The following PHC1 variants were observed in gnomAD, a reference collection of about 807,000 sequenced individuals.
PHC1 encodes the protein polyhomeotic-like protein 1.
Under a neutral mutation model 104.3 loss-of-function variants are expected in PHC1, and 12 were observed. The observed-to-expected ratio is 0.12, with a 90% CI of 0.07 to 0.19. The LOEUF (loss-of-function observed/expected upper bound fraction) is 0.19. PHC1 is among the 10% of genes least tolerant of loss of function. The probability of loss-of-function intolerance (pLI) is 1.00; values close to 1 mark genes in which losing one functional copy is unlikely to be tolerated. For synonymous variants in PHC1, 302 were observed against 455.8 expected (o/e 0.66, Z 4.30); for missense variants, 671 against 1,200.0 (o/e 0.56, Z 6.51).
rs1057432863 is a variant in PHC1 at position 8,932,078 on chromosome 12, G to A, written c.1106-485G>A. Among the ~76,000 whole-genome samples, 5 of 152,290 alleles carry A rather than the reference G, an allele frequency of 3.3e-5. No individual in the cohort carries two copies. The South Asian group carries it at 8.3e-4, about 25-fold the overall frequency. ...AAATCCAAGTCATTTGTGGGAAGACGTTGACATCTTTAACTCTGTGGGTAT... is the reference window on the plus strand; with the variant it reads ...AAATCCAAGTCATTTGTGGGAAGACATTGACATCTTTAACTCTGTGGGTAT... On this transcript the variant is annotated intron_variant, in intron 7 of 14. Transcript: ENST00000544916.
chr12:8,916,313 G>A (rs895677252), intron 1 of PHC1, among the ~76,000 whole-genome samples: 3 of 152,106 alleles, frequency 2.0e-5, no homozygotes, highest in African/African-American at 7.2e-5. Flanking sequence ...TTGATACTTT[G>A]CTTGTTTGTT....
chr12:8,934,021 C>T lies in PHC1; in HGVS notation c.2041+9C>T. The T allele has an allele frequency of 6.2e-7, 1 of 1,613,794 alleles. No individual in the cohort carries two copies. Among genetic ancestry groups the T allele is most frequent in the South Asian group, 1.1e-5 (1 of 91,076 alleles). On this transcript the variant is annotated intron_variant, in intron 9 of 14. Transcript: ENST00000544916. ...GAAGAGCAGTCTTGGAGGTGAGTAA[C>T]TGACTTCTAATGCTGTTGGAGAGCA...
Position 8,936,978 on chromosome 12 carries a change from C to T in PHC1, c.2477+14C>T, listed in dbSNP as rs747991934. Reference sequence around the variant, plus strand: ...TTGCGCTAAGAGGTACTCTGGGCACCCTCCTCCTTGCCCTCAGCACTGGTA... The same window carrying T: ...TTGCGCTAAGAGGTACTCTGGGCACTCTCCTCCTTGCCCTCAGCACTGGTA... On this transcript the variant is annotated intron_variant, in intron 12 of 14. Transcript: ENST00000544916. 6.4e-7 allele frequency: 1 copy of T among 1,566,266 alleles called. No individual in the cohort carries two copies. Among genetic ancestry groups the T allele is most frequent in the South Asian group, 1.1e-5 (1 of 89,798 alleles).
Position 8,936,983 on chromosome 12 carries a change from T to C in PHC1, c.2477+19T>C. 1.9e-6 allele frequency: 3 copies of C among 1,548,402 alleles called. No homozygotes were observed. In the South Asian group the frequency reaches 3.4e-5, roughly 17 times the overall value. ...CTAAGAGGTACTCTGGGCACCCTCC[T>C]CCTTGCCCTCAGCACTGGTATCTCC... On this transcript the variant is annotated intron_variant, in intron 12 of 14. Coordinates refer to ENST00000544916, the MANE Select transcript of PHC1 (RefSeq NM_004426.3).
intron 13 of PHC1, 69 bp downstream of exon 13, chr12:8,937,395 C>G: frequency 2.9e-6 from 4 of 1,361,082 alleles, no homozygotes; most frequent in Non-Finnish European, 4.0e-6. Flanking sequence ...CAGGGCAATT[C>G]ATTTGCCCAG....
chr12:8,931,321 T>C (rs1945678047), intron 7 of PHC1, among the ~76,000 whole-genome samples: 1 of 152,244 alleles, frequency 6.6e-6, no homozygotes, highest in South Asian at 2.1e-4. Flanking sequence ...GCATTTACTA[T>C]AAGGGATGAA....
In PHC1 at chr12:8,940,624, A is replaced by C. The variant is rs1298565047; in HGVS notation, c.*1165A>C. The C allele has an allele frequency of 1.3e-5, 1 of 75,236 alleles. No homozygotes were observed. Among genetic ancestry groups the C allele is most frequent in the East Asian group, 3.9e-4 (1 of 2,548 alleles). 4.7% of individuals were successfully genotyped at this position (75,236 alleles called of 1,614,324 possible). A position where few individuals can be genotyped will look rare whatever the true frequency, so the allele number is the denominator to read the frequency against. On this transcript the variant is annotated 3_prime_UTR_variant, in exon 15 of 15. Coordinates refer to ENST00000544916, the MANE Select transcript of PHC1 (RefSeq NM_004426.3). ...TTGATTCCATCCCTCTTTTGTGTCC[A>C]GTGGAGCCATGTTACTCTTCAGTGG...
intron 2 of PHC1, among the ~76,000 whole-genome samples, chr12:8,918,312 T>C (rs1467568305): frequency 6.6e-6 from 1 of 152,280 alleles, no homozygotes; most frequent in African/African-American, 2.4e-5. Context: ...ACTATTTTCA[T>C]TTCATAAATC....
At chr12:8,921,870 G>A in intron 5 of PHC1, 120 bp downstream of exon 5, 5 of 952,578 alleles carry the variant, frequency 5.2e-6, no homozygotes, top group Non-Finnish European at 7.8e-6. Flanking sequence ...CTGGAGTGCA[G>A]TGGCACAATA....
chr12:8,935,301 C>G, intron 11 of PHC1, 63 bp downstream of exon 11: 1 of 863,832 alleles, frequency 1.2e-6, no homozygotes, highest in Non-Finnish European at 1.8e-6. Flanking sequence ...TTTGAGGACT[C>G]GGTGTAAAAT....
At position 8,930,691 on chromosome 12, in the gene PHC1, G is replaced by T. The variant is rs891695840; in HGVS notation, c.869G>T (p.Gly290Val). ...GPGGGGQAHG[G>V]LGQLPSSGMG... ...GGTGGAGGTGGGCAGGCACATGGTG[G>T]TTTGGGTCAGTTGCCTTCCTCAGGA... The change falls in exon 7 of 15, where the codon GGT becomes GTT. Residue 290 changes from glycine (G) to valine (V), a missense_variant. Gly to Val is a moderately radical substitution (Grantham distance 109). This residue lies in a region of PHC1 where 78 missense variants were observed against 140.8 expected (regional missense o/e 0.55). Coordinates refer to ENST00000544916, the MANE Select transcript of PHC1 (RefSeq NM_004426.3). 8 of 1,323,278 alleles carry T rather than the reference G, an allele frequency of 6.0e-6. No homozygotes were observed. In the Admixed American group the frequency reaches 1.5e-4, roughly 26 times the overall value. 82.0% of individuals were successfully genotyped at this position (1,323,278 alleles called of 1,614,324 possible). A position where few individuals can be genotyped will look rare whatever the true frequency, so the allele number is the denominator to read the frequency against.
chr12:8,918,605 C>T (rs1592186667), intron 2 of PHC1, among the ~76,000 whole-genome samples: 3 of 152,064 alleles, frequency 2.0e-5, no homozygotes, highest in African/African-American at 7.2e-5. Context: ...CTAGCTGGGA[C>T]TATAGGCACA....
intron 11 of PHC1, 83 bp downstream of exon 11, chr12:8,935,321 C>A: frequency 1.4e-6 from 1 of 689,756 alleles, no homozygotes; most frequent in Non-Finnish European, 2.5e-6. Context: ...TAGTAGTTAC[C>A]TATTTATTTA....
At position 8,924,436 on chromosome 12, in the gene PHC1, A is replaced by G. The variant is rs771181227; in HGVS notation, c.612+1648A>G. On this transcript the variant is annotated intron_variant, in intron 6 of 14. Coordinates refer to ENST00000544916, the MANE Select transcript of PHC1 (RefSeq NM_004426.3). ...GGTTGCAGTGAGCTGAGATCGTGCC[A>G]CTACACTCCAGCCTGGGCGACAGAG... Among the ~76,000 whole-genome samples the G allele has an allele frequency of 2.6e-5, 4 of 152,330 alleles. No homozygotes were observed. In the East Asian group the frequency reaches 7.7e-4, roughly 29 times the overall value.
rs1945650248 is a variant in PHC1 at position 8,930,476 on chromosome 12, A to G, written c.654A>G (p.Gln218=). The G allele has an allele frequency of 1.3e-6, 2 of 1,593,170 alleles. No homozygotes were observed. Among genetic ancestry groups the G allele is most frequent in the East Asian group, 2.3e-5 (1 of 43,832 alleles). Reference sequence around the variant, plus strand: ...TAAGGAATCAACAGGCCTCAGCTCAAGGACCTCAGATGCAAGGCTCCACTC... The same window carrying G: ...TAAGGAATCAACAGGCCTCAGCTCAGGGACCTCAGATGCAAGGCTCCACTC... ...LAVRNQQASA[Q]GPQMQGSTQK... Residue 218 remains glutamine, a synonymous_variant, in exon 7 of 15, where the codon CAA becomes CAG. Transcript: ENST00000544916.
chr12:8,934,597 C>A (rs545215200), intron 10 of PHC1, 119 bp downstream of exon 10: 5 of 636,584 alleles, frequency 7.9e-6, no homozygotes, highest in Non-Finnish European at 8.0e-6. Flanking sequence ...GGTTCAATTA[C>A]GCTATTTATT....
At chr12:8,933,732 T>G (rs2137118859) in intron 8 of PHC1, 133 bp from the exon 9 acceptor site, 1 of 700,658 alleles carries the variant, frequency 1.4e-6, no homozygotes, top group East Asian at 2.7e-5. Flanking sequence ...GGAATTTTAG[T>G]GTACCATGGG....
intron 10 of PHC1, 119 bp from the exon 11 acceptor site, chr12:8,935,005 A>G (rs944800549): frequency 1.7e-6 from 1 of 599,132 alleles, no homozygotes; most frequent in African/African-American, 1.9e-5. Context: ...TCTGAACCAG[A>G]CTTGGTCATT....
Position 8,933,949 on chromosome 12 carries a change from C to T in PHC1, c.1978C>T (p.Pro660Ser), listed in dbSNP as rs771342943. 6 of 1,613,226 alleles carry T rather than the reference C, an allele frequency of 3.7e-6. No individual in the cohort carries two copies. The highest frequency in any genetic ancestry group is 3.3e-5 in the Admixed American group (2 of 60,010). The change falls in exon 9 of 15, where the codon CCT becomes TCT. Residue 660 changes from proline to serine, a missense_variant. Physicochemically the swap from Pro to Ser is moderately conservative, Grantham distance 74. Transcript: ENST00000544916. ...TGTCTCCACATTGGGTTCAATGCTTCCTGCCAAGGCATCTCCAGTAGCAGA... is the reference window on the plus strand; with the variant it reads ...TGTCTCCACATTGGGTTCAATGCTTTCTGCCAAGGCATCTCCAGTAGCAGA... ...DDVSTLGSML[P>S]AKASPVAESP...
Sources: allele counts gnomAD v4.1 joint callset (sites outside exome capture counted in the v4.1 genomes callset), GRCh38; gene constraint gnomAD v4.1.1; regional missense constraint gnomAD v4.1.1; transcripts MANE v1.5; gene names NCBI Gene and HGNC (gene_info 2026-07-23, HGNC 2026-07-21).